The following NPHP4 variants were observed in gnomAD, a reference collection of about 807,000 sequenced individuals.
NPHP4 encodes the protein nephrocystin-4.
A neutral mutation model predicts 155.8 loss-of-function variants in NPHP4; 151 were observed. The observed-to-expected ratio is 0.97, with a 90% CI of 0.85 to 1.11. The LOEUF is 1.11. NPHP4 is among the 50% of genes least tolerant of loss of function. NPHP4 has a pLI of 0.00. For synonymous variants in NPHP4, 845 were observed against 816.8 expected (o/e 1.03, Z -0.59); for missense variants, 1,956 against 1,925.7 (o/e 1.02, Z -0.29).
At chr1:5,880,088 A>T in intron 19 of NPHP4, 26 bp downstream of exon 19, 2 of 1,612,914 alleles carry the variant, frequency 1.2e-6, no homozygotes, top group Non-Finnish European at 1.7e-6. Context: ...ACCCACCCAC[A>T]CATGGGCCCA....
At chr1:5,878,323 G>A (rs746253878) in intron 19 of NPHP4, among the ~76,000 whole-genome samples, 4 of 152,304 alleles carry the variant, frequency 2.6e-5, no homozygotes, top group Admixed American at 6.5e-5. Context: ...TTTTAACGCC[G>A]GCAAACTGCT....
intron 3 of NPHP4, among the ~76,000 whole-genome samples, chr1:5,972,636 T>C (rs1652782163): frequency 6.6e-6 from 1 of 152,186 alleles, no homozygotes; most frequent in South Asian, 2.1e-4. Context: ...AGCACATGAC[T>C]AAATACTCCA....
chr1:5,975,880 G>A (rs1653467188), intron 3 of NPHP4, among the ~76,000 whole-genome samples: 1 of 152,206 alleles, frequency 6.6e-6, no homozygotes, highest in Non-Finnish European at 1.5e-5. Context: ...AATTCTACAG[G>A]GATCAGGATT....
intron 16 of NPHP4, among the ~76,000 whole-genome samples, chr1:5,891,863 C>T (rs1644145218): frequency 6.6e-6 from 1 of 152,190 alleles, no homozygotes; most frequent in Admixed American, 6.5e-5. Flanking sequence ...ACAGGATGAC[C>T]ACAGACCACA....
intron 12 of NPHP4, among the ~76,000 whole-genome samples, chr1:5,908,902 G>C (rs942170308): frequency 9.9e-5 from 15 of 152,178 alleles, no homozygotes; most frequent in Non-Finnish European, 1.9e-4. Context: ...AGGGAGATGT[G>C]GAGACGCCCC....
intron 7 of NPHP4, among the ~76,000 whole-genome samples, chr1:5,949,925 T>G (rs927001483): frequency 1.3e-5 from 2 of 152,094 alleles, no homozygotes; most frequent in African/African-American, 4.8e-5. Context: ...CACGTGCATC[T>G]TGGAGGACCA....
At chr1:5,965,444 T>C (rs571590425) in intron 5 of NPHP4, among the ~76,000 whole-genome samples, 3 of 152,164 alleles carry the variant, frequency 2.0e-5, no homozygotes, top group Non-Finnish European at 4.4e-5. Flanking sequence ...GTTCTCAGGA[T>C]ACTTCTGGAC....
intron 5 of NPHP4, among the ~76,000 whole-genome samples, chr1:5,963,293 G>A (rs1039559097): frequency 1.7e-4 from 26 of 152,034 alleles, no homozygotes; most frequent in Admixed American, 3.3e-4. Flanking sequence ...GACTTGGGAC[G>A]CTGAGGCAGG....
chr1:5,911,236 C>T (rs1004206911), intron 11 of NPHP4, among the ~76,000 whole-genome samples: 8 of 152,194 alleles, frequency 5.3e-5, no homozygotes, highest in Non-Finnish European at 7.3e-5. Context: ...TCTTACAGTC[C>T]ATTTCAGAGC....
At chr1:5,887,003 T>G (rs1643863065) in intron 18 of NPHP4, 1 of 413,052 alleles carries the variant, frequency 2.4e-6, no homozygotes, top group Non-Finnish European at 4.4e-6. Context: ...TTGAGGACTG[T>G]CCCGGAGATC....
intron 17 of NPHP4, chr1:5,888,271 G>C: frequency 5.5e-6 from 5 of 904,610 alleles, no homozygotes; most frequent in Non-Finnish European, 6.6e-6. Flanking sequence ...TGTGAGGCAT[G>C]TGGGGGATGA....
intron 6 of NPHP4, among the ~76,000 whole-genome samples, chr1:5,959,194 G>A (rs923628826): frequency 2.0e-5 from 3 of 152,078 alleles, no homozygotes; most frequent in African/African-American, 2.4e-5. Context: ...CTGCTCACTC[G>A]ATTTTCAACA....
At position 5,867,842 on chromosome 1, in the gene NPHP4, CCA is replaced by C. The variant is rs1474013513; in HGVS notation, c.3368_3369del (p.Val1123GlyfsTer43). 3 of 1,613,902 alleles carry C rather than the reference CCA, an allele frequency of 1.9e-6. No homozygotes were observed. Among genetic ancestry groups the C allele is most frequent in the South Asian group, 2.2e-5 (2 of 91,080 alleles). On this transcript the variant is annotated frameshift_variant, in exon 24 of 30. Coordinates refer to ENST00000378156, the MANE Select transcript of NPHP4 (RefSeq NM_015102.5). LOFTEE classifies it high-confidence loss of function. This position sits in a 1 kb window ranked among gnomAD's most constrained non-coding sequence, Gnocchi z 4.1. ...TGGTCCACCACGTGGGGCTGCAGCT[CCA>C]CAGTCAGGCAGAGCACGGCGATGGG... ...GKPIAVLCLT[V>X]ELQPHVVDQV...
At chr1:5,904,836 G>A in intron 15 of NPHP4, 32 bp from the exon 16 acceptor site, 1 of 1,606,340 alleles carries the variant, frequency 6.2e-7, no homozygotes, top group Non-Finnish European at 8.5e-7. Flanking sequence ...GGTTAACTGA[G>A]TATCCATGGC....
At position 5,890,009 on chromosome 1, in the gene NPHP4, A is replaced by T. The variant is rs1057416934; in HGVS notation, c.2304+859T>A. Among the ~76,000 whole-genome samples, 1 of 151,684 alleles carries T rather than the reference A, an allele frequency of 6.6e-6. No individual in the cohort carries two copies. On this transcript the variant is annotated intron_variant, in intron 17 of 29. Transcript: ENST00000378156. The surrounding 1 kb of genome is among the most constrained non-coding windows in gnomAD (Gnocchi z 4.9). Reference sequence around the variant, plus strand: ...GAAGAGCAGCTGGAAAAACTCCCATACCCCATCCCCCCACCCCGAGAGCAC... The same window carrying T: ...GAAGAGCAGCTGGAAAAACTCCCATTCCCCATCCCCCCACCCCGAGAGCAC...
At chr1:5,871,057 G>A (rs1161997588) in intron 23 of NPHP4, among the ~76,000 whole-genome samples, 1 of 152,184 alleles carries the variant, frequency 6.6e-6, no homozygotes, top group African/African-American at 2.4e-5. Context: ...AACCCAGCTC[G>A]AAGTGTCATG....
Position 5,966,082 on chromosome 1 carries a change from C to T in NPHP4, c.517+1217G>A, listed in dbSNP as rs1014289341. ...TCTGTTTCTGGCTTCTGGCTGGAGG[C>T]TACACTTCCCAGCCTGTCAGAAAGG... On this transcript the variant is annotated intron_variant, in intron 5 of 29. Coordinates refer to ENST00000378156, the MANE Select transcript of NPHP4 (RefSeq NM_015102.5). Among the ~76,000 whole-genome samples, 10 of 152,258 alleles carry T rather than the reference C, an allele frequency of 6.6e-5. 1 individual carries two copies. Among genetic ancestry groups the T allele is most frequent in the African/African-American group, 2.2e-4 (9 of 41,548 alleles).
At chr1:5,920,622 C>A (rs1392830706) in intron 11 of NPHP4, among the ~76,000 whole-genome samples, 1 of 152,204 alleles carries the variant, frequency 6.6e-6, no homozygotes, top group African/African-American at 2.4e-5. Context: ...CATATCTTTA[C>A]TCATTTCATC....
rs796541329 is a variant in NPHP4 at position 5,910,850 on chromosome 1, T to C, written c.1442-1637A>G. On this transcript the variant is annotated intron_variant, in intron 11 of 29. Coordinates refer to ENST00000378156, the MANE Select transcript of NPHP4 (RefSeq NM_015102.5). The surrounding 1 kb of genome is among the most constrained non-coding windows in gnomAD (Gnocchi z 5.4). ...CAGCTGCAGGATCTGGTGGAAACCCTGCTAAGGGCCTGTGGATGGGTGGAA... is the reference window on the plus strand; with the variant it reads ...CAGCTGCAGGATCTGGTGGAAACCCCGCTAAGGGCCTGTGGATGGGTGGAA... 8.5e-5 allele frequency among the ~76,000 whole-genome samples: 13 copies of C among 152,264 alleles called. No individual in the cohort carries two copies. The highest frequency in any genetic ancestry group is 2.6e-4 in the African/African-American group (11 of 41,562).
Sources: allele counts gnomAD v4.1 joint callset (sites outside exome capture counted in the v4.1 genomes callset), GRCh38; gene constraint gnomAD v4.1.1; non-coding constraint Gnocchi (gnomAD v3.1); transcripts MANE v1.5; gene names NCBI Gene and HGNC (gene_info 2026-07-23, HGNC 2026-07-21).